Variants in TP53BP1 observed in about 807,000 individuals in gnomAD.
TP53BP1 encodes TP53-binding protein 1.
A neutral mutation model predicts 200.8 loss-of-function variants in TP53BP1; 61 were observed. The observed-to-expected ratio is 0.30, with a 90% CI of 0.25 to 0.38. The LOEUF (loss-of-function observed/expected upper bound fraction) is 0.38. TP53BP1 is among the 10% of genes least tolerant of loss of function. The pLI is 1.00. For missense variants in TP53BP1, 2,144 were observed against 2,371.9 expected (o/e 0.90, Z 2.00); for synonymous variants, 822 against 844.3 (o/e 0.97, Z 0.46).
chr15:43,404,718 TTCTAG>T lies in TP53BP1; in HGVS notation c.*2660_*2664del. 1 of 738,866 alleles carries T rather than the reference TTCTAG, an allele frequency of 1.4e-6. No individual in the cohort carries two copies. The allele number at this position is 738,866 out of a possible 1,614,324, so 45.8% of individuals were successfully genotyped here. ...TTTAATAATTTTAATGGAGGTTATT[TTCTAG>T]TAGAAGTCATCATCATCATAAAATA... On this transcript the variant is annotated 3_prime_UTR_variant, in exon 28 of 28. Coordinates refer to ENST00000382044, the MANE Select transcript of TP53BP1 (RefSeq NM_001141980.3).
intron 17 of TP53BP1, among the ~76,000 whole-genome samples, chr15:43,430,707 A>T (rs1181866688): frequency 6.6e-6 from 1 of 152,192 alleles, no homozygotes; most frequent in African/African-American, 2.4e-5. Context: ...AGATAATATC[A>T]AACCCTATAC....
rs1380072585 is a variant in TP53BP1 at position 43,403,537 on chromosome 15, C to T, written c.*3846G>A. On this transcript the variant is annotated 3_prime_UTR_variant, in exon 28 of 28. Coordinates refer to ENST00000382044, the MANE Select transcript of TP53BP1 (RefSeq NM_001141980.3). Reference sequence around the variant, plus strand: ...TTTGTGCGTCTGAGGGGCTGGCAGGCCTTGCACGTGGCAGTGTCTATCCTG... The same window carrying T: ...TTTGTGCGTCTGAGGGGCTGGCAGGTCTTGCACGTGGCAGTGTCTATCCTG... 8 of 617,390 alleles carry T rather than the reference C, an allele frequency of 1.3e-5. No individual in the cohort carries two copies. Among genetic ancestry groups the T allele is most frequent in the Admixed American group, 1.2e-4 (4 of 33,810 alleles). The allele number at this position is 617,390 out of a possible 1,614,324, so 38.2% of individuals were successfully genotyped here.
At chr15:43,408,758 A>C in intron 26 of TP53BP1, 139 bp downstream of exon 26, 1 of 786,600 alleles carries the variant, frequency 1.3e-6, no homozygotes, top group Non-Finnish European at 2.0e-6. Context: ...AAACTCCTGA[A>C]GTCATTTCAA....
intron 1 of TP53BP1, among the ~76,000 whole-genome samples, chr15:43,508,926 G>C (rs1318525603): frequency 6.6e-6 from 1 of 152,164 alleles, no homozygotes; most frequent in East Asian, 1.9e-4. Context: ...ATCAGTGTGT[G>C]ATCCTTCCCT....
chr15:43,421,083 C>A lies in TP53BP1; in HGVS notation c.4192G>T (p.Val1398Phe). 6.2e-7 allele frequency: 1 copy of A among 1,614,256 alleles called. No individual in the cohort carries two copies. ...CTTCGCCCACGCCCACGAGGCGTGA[C>A]TGGAGCCTTCCCTCCCTGTCTGATG... is the stretch of plus-strand genomic sequence containing the variant. ...LGIRQGGKAP[V>F]TPRGRGRRGR... The change falls in exon 20 of 28, where the codon GTC becomes TTC. Residue 1398 changes from valine (V) to phenylalanine (F), a missense_variant. Val to Phe is a conservative substitution (Grantham distance 50). Transcript: ENST00000382044.
At chr15:43,432,743 G>C in intron 16 of TP53BP1, 66 bp from the exon 17 acceptor site, 1 of 1,507,480 alleles carries the variant, frequency 6.6e-7, no homozygotes. Flanking sequence ...GTGTGTGTGT[G>C]CGTGTGCATG....
intron 12 of TP53BP1, among the ~76,000 whole-genome samples, chr15:43,452,789 C>T (rs568330643): frequency 6.8e-4 from 104 of 152,050 alleles, no homozygotes; most frequent in Non-Finnish European, 1.1e-3. Context: ...AGTTTTACTA[C>T]GGCAAAAAAA....
At chr15:43,418,417 A>G (rs1341822196) in intron 21 of TP53BP1, among the ~76,000 whole-genome samples, 2 of 151,026 alleles carry the variant, frequency 1.3e-5, no homozygotes, top group Non-Finnish European at 2.9e-5. Flanking sequence ...CACGAGAAAC[A>G]CTTGAACCCA....
intron 18 of TP53BP1, among the ~76,000 whole-genome samples, chr15:43,427,808 T>C (rs1339035313): frequency 1.3e-5 from 2 of 151,828 alleles, no homozygotes; most frequent in East Asian, 3.9e-4. Flanking sequence ...ATAAACAAAA[T>C]TAGCCAGGCT....
intron 4 of TP53BP1, among the ~76,000 whole-genome samples, chr15:43,486,814 C>T (rs1042798220): frequency 2.6e-5 from 4 of 152,008 alleles, no homozygotes; most frequent in African/African-American, 9.7e-5. Context: ...TTGGTAAAGA[C>T]GGGATTTCAC....
Position 43,474,719 on chromosome 15 carries a change from A to C in TP53BP1, c.1134T>G (p.Thr378=). 6.2e-7 allele frequency: 1 copy of C among 1,613,644 alleles called. No individual in the cohort carries two copies. Among genetic ancestry groups the C allele is most frequent in the Non-Finnish European group, 8.5e-7 (1 of 1,179,596 alleles). Residue 378 remains threonine, a synonymous_variant, in exon 10 of 28, where the codon ACT becomes ACG. Coordinates refer to ENST00000382044, the MANE Select transcript of TP53BP1 (RefSeq NM_001141980.3). ...VAPSPDAFRS[T]PFIVPSSPTE... Reference sequence around the variant, plus strand: ...TGGGACTGCTAGGAACGATAAAAGGAGTAGATCGGAAAGCATCAGGAGAAG... The same window carrying C: ...TGGGACTGCTAGGAACGATAAAAGGCGTAGATCGGAAAGCATCAGGAGAAG...
intron 4 of TP53BP1, 118 bp downstream of exon 4, chr15:43,491,551 C>T (rs546074927): frequency 1.2e-6 from 1 of 809,298 alleles, no homozygotes; most frequent in African/African-American, 1.7e-5. Context: ...CCTCAAGTCC[C>T]ATTTCCTAAT....
chr15:43,464,725 G>A (rs1446294436), intron 11 of TP53BP1, among the ~76,000 whole-genome samples: 1 of 151,750 alleles, frequency 6.6e-6, no homozygotes, highest in African/African-American at 2.4e-5. Flanking sequence ...CCAACATGGA[G>A]AAACCCCGTC....
chr15:43,490,845 A>C (rs2079111878), intron 4 of TP53BP1, among the ~76,000 whole-genome samples: 2 of 152,232 alleles, frequency 1.3e-5, no homozygotes, highest in South Asian at 4.1e-4. Flanking sequence ...TTCATCGTAC[A>C]GCTGCTTTAA....
upstream of TP53BP1, among the ~76,000 whole-genome samples, chr15:43,496,021 C>T (rs1221931954): frequency 6.6e-6 from 1 of 152,094 alleles, no homozygotes; most frequent in Admixed American, 6.5e-5. Context: ...GCTAGATGAG[C>T]CAAAGGCCTT....
chr15:43,500,604 G>T (rs570280721), intron 1 of TP53BP1, among the ~76,000 whole-genome samples: 20 of 152,172 alleles, frequency 1.3e-4, no homozygotes, highest in African/African-American at 4.6e-4. Context: ...TGGACCACCT[G>T]AGGTCAGAAG....
intron 14 of TP53BP1, among the ~76,000 whole-genome samples, chr15:43,445,387 T>C (rs2046018208): frequency 6.6e-6 from 1 of 152,182 alleles, no homozygotes; most frequent in African/African-American, 2.4e-5. Flanking sequence ...TGGCTTCATA[T>C]ACCCTCCTAG....
intron 20 of TP53BP1, 33 bp from the exon 21 acceptor site, chr15:43,420,768 G>A (rs976415315): frequency 6.3e-7 from 1 of 1,577,678 alleles, no homozygotes; most frequent in Non-Finnish European, 8.6e-7. Flanking sequence ...AGAAGCCGGT[G>A]AGAACAAGAA....
chr15:43,495,254 C>T (rs903229876), upstream of TP53BP1, among the ~76,000 whole-genome samples: 6 of 152,092 alleles, frequency 3.9e-5, no homozygotes, highest in African/African-American at 1.4e-4. Context: ...AATCCCAGCA[C>T]TTTGGGAGGA....
Sources: allele counts gnomAD v4.1 joint callset (sites outside exome capture counted in the v4.1 genomes callset), GRCh38; gene constraint gnomAD v4.1.1; transcripts MANE v1.5; gene names NCBI Gene and HGNC (gene_info 2026-07-23, HGNC 2026-07-21).